PREPL: variants seen among roughly 807,000 people sequenced by gnomAD.
PREPL encodes prolyl endopeptidase-like.
In PREPL, 77 loss-of-function variants were observed where a neutral mutation model predicts 70.6. The ratio of observed to expected loss-of-function variants is 1.09; its 90% CI spans 0.91 to 1.32. The LOEUF (loss-of-function observed/expected upper bound fraction) is 1.32, where lower values mean the gene tolerates loss of function less well. PREPL is among the 40% of genes most tolerant of loss of function. The pLI is 0.00. For synonymous variants in PREPL, 315 were observed against 264.8 expected, an observed-to-expected ratio of 1.19 and a Z score of -1.84; for missense variants, 1,002 against 778.2, an observed-to-expected ratio of 1.29 and a Z score of -3.42.
At chr2:44,360,506 C>CA (rs1400558417) in intron 1 of PREPL, 2 of 152,102 alleles carry the variant, frequency 1.3e-5, no homozygotes, top group Non-Finnish European at 2.9e-5. Context: ...TAATTAAAAA[C>CA]AACAAAAAAC....
At chr2:44,357,431 C>T (rs1490247913) in intron 1 of PREPL, among the ~76,000 whole-genome samples, 1 of 152,184 alleles carries the variant, frequency 6.6e-6, no homozygotes, top group Non-Finnish European at 1.5e-5. Flanking sequence ...CCCCAGGTCT[C>T]AGTGATAAAG....
Position 44,319,983 on chromosome 2 carries a change from T to C in PREPL, c.*1373A>G, listed in dbSNP as rs556810681. 6.5e-5 allele frequency: 36 copies of C among 556,062 alleles called. No individual in the cohort carries two copies. The highest frequency in any genetic ancestry group is 4.8e-4 in the South Asian group (23 of 48,248). 34.4% of individuals were successfully genotyped at this position (556,062 alleles called of 1,614,324 possible). On this transcript the variant is annotated 3_prime_UTR_variant, in exon 14 of 14. Transcript: ENST00000409411. ...TGTAGCAGAGCACTGTGCGTACTTA[T>C]TGACTCCCAGACAAGCCGAAACCCC...
chr2:44,323,208 T>C (rs1165265075), intron 11 of PREPL, 54 bp downstream of exon 11: 13 of 1,480,150 alleles, frequency 8.8e-6, no homozygotes, highest in Non-Finnish European at 1.2e-5. Context: ...AAGTTTTTTT[T>C]TTATTATCTT....
intron 4 of PREPL, among the ~76,000 whole-genome samples, chr2:44,342,827 G>T (rs142001817): frequency 1.3e-5 from 2 of 152,176 alleles, no homozygotes; most frequent in African/African-American, 2.4e-5. Context: ...CAATATTTAG[G>T]AAAGACATTG....
In PREPL at chr2:44,343,969, C is replaced by T. The variant is rs570783617; in HGVS notation, c.143-18G>A. ...ATTGTCTGCTGTATAAAGAAAAATACGAAAGTGATAACTTCAAAGGATGTA... is the reference window on the plus strand; with the variant it reads ...ATTGTCTGCTGTATAAAGAAAAATATGAAAGTGATAACTTCAAAGGATGTA... On this transcript the variant is annotated intron_variant, in intron 3 of 13. Coordinates refer to ENST00000409411, the MANE Select transcript of PREPL (RefSeq NM_001171613.2). The T allele has an allele frequency of 6.4e-5, 103 of 1,607,986 alleles. No homozygotes were observed. The highest frequency in any genetic ancestry group is 7.0e-5 in the Non-Finnish European group (82 of 1,177,810).
chr2:44,332,482 A>T lies in PREPL; in HGVS notation c.1063T>A (p.Leu355Ile). The change falls in exon 8 of 14, where the codon TTA (leucine) becomes ATA (isoleucine). Residue 355 changes from leucine (L) to isoleucine (I), a missense_variant. Physicochemically the swap from Leu to Ile is conservative, Grantham distance 5. Transcript: ENST00000409411. ...EDPITKTSRV[L>I]RLEAKSKDGK... ...ACCTTGCTTTTGGCTTCTAGACGTAAAACGCGACTAGTCTTTGTGATTGGG... is the reference window on the plus strand; with the variant it reads ...ACCTTGCTTTTGGCTTCTAGACGTATAACGCGACTAGTCTTTGTGATTGGG... 6.2e-7 allele frequency: 1 copy of T among 1,614,020 alleles called. No individual in the cohort carries two copies. Among genetic ancestry groups the T allele is most frequent in the Non-Finnish European group, 8.5e-7 (1 of 1,179,938 alleles).
At chr2:44,334,693 C>T (rs1402061564) in intron 7 of PREPL, among the ~76,000 whole-genome samples, 1 of 152,158 alleles carries the variant, frequency 6.6e-6, no homozygotes, top group Non-Finnish European at 1.5e-5. Flanking sequence ...CTATAGGCAC[C>T]TGCCACCACG....
rs758462614 is a variant in PREPL, at chr2:44,321,381, T to A, written c.1892A>T (p.Asp631Val). The change falls in exon 14 of 14, where the codon GAT becomes GTT. Residue 631 changes from aspartate to valine, a missense_variant. Transcript: ENST00000409411. ...LGLDSTSVFE[D>V]LKKYLKF ...TCAGAATTTCAGGTATTTCTTAAGA[T>A]CCTCGAAAACACTGGTGCTGTCAAG... 1.2e-6 allele frequency: 2 copies of A among 1,611,478 alleles called. No homozygotes were observed. The highest frequency in any genetic ancestry group is 1.7e-6 in the Non-Finnish European group (2 of 1,177,790).
rs1247088433 is a variant in PREPL at position 44,343,925 on chromosome 2, A to G, written c.169T>C (p.Phe57Leu). ...EADNDNYEVL[F>L]NLEELKLDQP... ...TCTAACTTAAGTTCCTCCAAATTGA[A>G]TAAAACTTCATAATTATCATTGTCT... Residue 57 changes from phenylalanine (F) to leucine (L), a missense_variant, in exon 4 of 14, where the codon TTC becomes CTC. Transcript: ENST00000409411. The G allele has an allele frequency of 6.2e-7, 1 of 1,614,004 alleles. No individual in the cohort carries two copies. The highest frequency in any genetic ancestry group is 1.7e-5 in the Admixed American group (1 of 59,992).
At chr2:44,333,728 G>A (rs1173570476) in intron 7 of PREPL, among the ~76,000 whole-genome samples, 1 of 152,140 alleles carries the variant, frequency 6.6e-6, no homozygotes, top group Non-Finnish European at 1.5e-5. Flanking sequence ...TTGTTTTAAA[G>A]GATAACTTGT....
chr2:44,326,820 G>A lies in PREPL; in HGVS notation c.1371C>T (p.Gly457=). Residue 457 remains glycine, a synonymous_variant, in exon 10 of 14, where the codon GGC becomes GGT. Coordinates refer to ENST00000409411, the MANE Select transcript of PREPL (RefSeq NM_001171613.2). ...EACIKTLHGQ[G]FSQPSLTTLT... ...GGGTTGTTAGACTTGGCTGAGAAAA[G>A]CCTTGGCCATGAAGCGTCTTAATGC... 1 of 1,614,172 alleles carries A rather than the reference G, an allele frequency of 6.2e-7. No individual in the cohort carries two copies.
At chr2:44,344,914 A>G (rs898119886) in intron 2 of PREPL, among the ~76,000 whole-genome samples, 6 of 152,194 alleles carry the variant, frequency 3.9e-5, no homozygotes, top group African/African-American at 1.4e-4. Context: ...GTACAGTGGG[A>G]GTCAATTAAC....
At chr2:44,360,739 A>G (rs1455397756) in intron 1 of PREPL, 1 of 152,256 alleles carries the variant, frequency 6.6e-6, no homozygotes, top group Admixed American at 6.5e-5. Context: ...AAAATGAGAC[A>G]GCTTAACATT....
intron 1 of PREPL, chr2:44,359,893 G>T: frequency 1.8e-6 from 1 of 562,720 alleles, no homozygotes; most frequent in Non-Finnish European, 3.1e-6. Context: ...GATAACTTAG[G>T]CTAACTAAAT....
chr2:44,358,268 T>C (rs1677264246), intron 1 of PREPL, among the ~76,000 whole-genome samples: 1 of 152,254 alleles, frequency 6.6e-6, no homozygotes, highest in East Asian at 1.9e-4. Context: ...CAGATGAACT[T>C]TGAAAGCCAC....
chr2:44,322,506 C>G (rs138872598), intron 12 of PREPL, among the ~76,000 whole-genome samples: 6 of 152,236 alleles, frequency 3.9e-5, no homozygotes, highest in African/African-American at 1.4e-4. Flanking sequence ...CCTTTGTGTC[C>G]TGCCTATCTA....
intron 5 of PREPL, among the ~76,000 whole-genome samples, chr2:44,341,695 T>C (rs1000753781): frequency 1.3e-5 from 2 of 151,588 alleles, no homozygotes; most frequent in Non-Finnish European, 2.9e-5. Flanking sequence ...AAATTTAAAA[T>C]GTATTATAAA....
chr2:44,338,295 G>A (rs1022783229), intron 7 of PREPL, 56 bp downstream of exon 7: 2 of 1,456,808 alleles, frequency 1.4e-6, no homozygotes, highest in East Asian at 4.6e-5. Context: ...GTTCTGTTAA[G>A]CTAAACTGCA....
chr2:44,341,976 G>C (rs17032153), intron 5 of PREPL, among the ~76,000 whole-genome samples: 7,959 of 151,994 alleles, frequency 0.052, 262 homozygotes, highest in South Asian at 0.14. Flanking sequence ...CAATCATCAG[G>C]AACAAGGGGT....
Sources: allele counts gnomAD v4.1 joint callset (sites outside exome capture counted in the v4.1 genomes callset), GRCh38; gene constraint gnomAD v4.1.1; transcripts MANE v1.5; gene names NCBI Gene and HGNC (gene_info 2026-07-23, HGNC 2026-07-21).